COG8: variants seen among roughly 807,000 people sequenced by gnomAD.
COG8 encodes component of oligomeric golgi complex 8, also known as conserved oligomeric Golgi complex subunit 8.
A neutral mutation model predicts 46.5 loss-of-function variants in COG8; 45 were observed. The ratio of observed to expected loss-of-function variants is 0.97; its 90% CI spans 0.76 to 1.24. The LOEUF is 1.24. Ranked by LOEUF, COG8 falls within the 50% of genes most tolerant of loss-of-function variation. COG8 has a pLI of 0.00. For synonymous variants in COG8, 407 were observed against 347.8 expected (o/e 1.17, Z -1.90); for missense variants, 793 against 820.8 (o/e 0.97, Z 0.41).
intron 1 of COG8, chr16:69,338,945 G>C: frequency 1.7e-6 from 1 of 601,730 alleles, no homozygotes; most frequent in Non-Finnish European, 2.8e-6. Flanking sequence ...AGCGAGCCGA[G>C]ATCTCGCCAC....
At chr16:69,331,496 A>AAACG (rs1191981119) in intron 4 of COG8, among the ~76,000 whole-genome samples, 65 of 149,868 alleles carry the variant, frequency 4.3e-4, no homozygotes, top group African/African-American at 1.5e-3. Flanking sequence ...AAGGGAAAAA[A>AAACG]AACGAGCCAT....
chr16:69,331,503 C>A (rs1454739709), intron 4 of COG8, among the ~76,000 whole-genome samples: 8 of 144,764 alleles, frequency 5.5e-5, no homozygotes, highest in African/African-American at 2.1e-4. Flanking sequence ...AAAAAACGAG[C>A]CATTACTATT....
chr16:69,328,803 G>T lies in COG8; in HGVS notation c.*403C>A. Reference sequence around the variant, plus strand: ...TTAGGAAATGTCCACTCCTTTGGGGGTGATTTTTCTCCTCAAGTTGTAGCC... The same window carrying T: ...TTAGGAAATGTCCACTCCTTTGGGGTTGATTTTTCTCCTCAAGTTGTAGCC... On this transcript the variant is annotated 3_prime_UTR_variant, in exon 6 of 6. Transcript: ENST00000306875. 2 of 576,686 alleles carry T rather than the reference G, an allele frequency of 3.5e-6. No individual in the cohort carries two copies. Among genetic ancestry groups the T allele is most frequent in the Non-Finnish European group, 5.9e-6 (2 of 339,968 alleles). 35.7% of individuals were successfully genotyped at this position (576,686 alleles called of 1,614,324 possible).
At position 69,328,750 on chromosome 16, in the gene COG8, T is replaced by C; in HGVS notation, c.*456A>G. On this transcript the variant is annotated 3_prime_UTR_variant, in exon 6 of 6. Transcript: ENST00000306875. ...TCGTGTCTACTGCAGACGAATGCAA[T>C]TACCCCACCTTCCTCCATACAGAAT... 6 of 432,266 alleles carry C rather than the reference T, an allele frequency of 1.4e-5. No individual in the cohort carries two copies. The South Asian group carries it at 1.7e-4, about 12-fold the overall frequency. 26.8% of individuals were successfully genotyped at this position (432,266 alleles called of 1,614,324 possible).
At chr16:69,330,230 G>C in intron 5 of COG8, 3 of 1,450,490 alleles carry the variant, frequency 2.1e-6, no homozygotes, top group Non-Finnish European at 2.7e-6. Context: ...CCCCAGCTGC[G>C]GCGCGCTTAG....
intron 4 of COG8, 90 bp from the exon 5 acceptor site, chr16:69,331,185 C>G: frequency 7.0e-7 from 1 of 1,434,866 alleles, no homozygotes; most frequent in South Asian, 1.2e-5. Flanking sequence ...CGGTGGCTCA[C>G]GCCTGTAATC....
chr16:69,338,655 G>C (rs958389967), intron 1 of COG8: 7 of 155,036 alleles, frequency 4.5e-5, no homozygotes, highest in African/African-American at 1.2e-4. Context: ...CTGTGTCCTT[G>C]GACGTCACTA....
chr16:69,339,219 C>G lies in COG8; in HGVS notation c.334G>C (p.Gly112Arg). Residue 112 changes from glycine to arginine, a missense_variant, in exon 1 of 6, where the codon GGC becomes CGC. Physicochemically the swap from Gly to Arg is moderately radical, Grantham distance 125. Coordinates refer to ENST00000306875, the MANE Select transcript of COG8 (RefSeq NM_032382.5). ...RLFGDVEASLGRLLDRLPSFQ... is the reference protein window; with the variant it reads ...RLFGDVEASLRRLLDRLPSFQ... ...CTGGGCAAACGGTCGAGCAGGCGGC[C>G]GAGCGACGCCTCCACGTCGCCAAAC... 1 of 1,612,838 alleles carries G rather than the reference C, an allele frequency of 6.2e-7. No homozygotes were observed. Among genetic ancestry groups the G allele is most frequent in the Non-Finnish European group, 8.5e-7 (1 of 1,179,888 alleles).
At chr16:69,336,388 G>A in intron 2 of COG8, 117 bp downstream of exon 2, 1 of 894,848 alleles carries the variant, frequency 1.1e-6, no homozygotes, top group East Asian at 2.5e-5. Context: ...AGGCATACCT[G>A]GCTGGCAGAA....
At chr16:69,329,948 G>A in intron 5 of COG8, 7 of 1,486,442 alleles carry the variant, frequency 4.7e-6, no homozygotes, top group Non-Finnish European at 6.2e-6. Context: ...GAGTCGGGCA[G>A]AAGAGACGCG....
chr16:69,339,036 T>C lies in COG8; in HGVS notation c.377+140A>G, dbSNP rs984384246. The C allele has an allele frequency of 5.2e-6, 6 of 1,155,188 alleles. No homozygotes were observed. The African/African-American group carries it at 6.2e-5, about 12-fold the overall frequency. 71.6% of individuals were successfully genotyped at this position (1,155,188 alleles called of 1,614,324 possible). On this transcript the variant is annotated intron_variant, in intron 1 of 5. Coordinates refer to ENST00000306875, the MANE Select transcript of COG8 (RefSeq NM_032382.5). ...ATAACAGTACCTATCTCGAAGGCTG[T>C]TGTGAGGTTTAAATGGATTAATAAA...
chr16:69,329,269 C>G (rs926087697), intron 5 of COG8, 90 bp from the exon 6 acceptor site: 1 of 1,367,414 alleles, frequency 7.3e-7, no homozygotes, highest in African/African-American at 1.5e-5. Flanking sequence ...CCTGGCTGTT[C>G]CCATTGACAA....
chr16:69,330,106 G>T, intron 5 of COG8: 1 of 1,583,692 alleles, frequency 6.3e-7, no homozygotes, highest in Non-Finnish European at 8.6e-7. Context: ...GCAGGCTGGG[G>T]TTCACGAACA....
chr16:69,330,963 G>A lies in COG8; in HGVS notation c.1715C>T (p.Pro572Leu). 1.3e-6 allele frequency: 2 copies of A among 1,585,590 alleles called. No individual in the cohort carries two copies. The highest frequency in any genetic ancestry group is 1.7e-6 in the Non-Finnish European group (2 of 1,166,572). ...CTCTGGTGCTGGAGCTGTGAGCTCGGGCCCCAGCGCCTGGTCATCCAGGGT... is the reference window on the plus strand; with the variant it reads ...CTCTGGTGCTGGAGCTGTGAGCTCGAGCCCCAGCGCCTGGTCATCCAGGGT... Reference protein sequence around the residue: ...LFTLDDQALGPELTAPAPEPP... With the variant: ...LFTLDDQALGLELTAPAPEPP... Residue 572 changes from proline to leucine, a missense_variant, in exon 5 of 6, where the codon CCC becomes CTC. By Grantham distance (98) the Pro-to-Leu change is moderately conservative. Coordinates refer to ENST00000306875, the MANE Select transcript of COG8 (RefSeq NM_032382.5).
chr16:69,332,725 G>A lies in COG8; in HGVS notation c.1571C>T (p.Ala524Val). The change falls in exon 4 of 6, where the codon GCA (alanine) becomes GTA (valine). Residue 524 changes from alanine (A) to valine (V), a missense_variant. Coordinates refer to ENST00000306875, the MANE Select transcript of COG8 (RefSeq NM_032382.5). ...LQVLFPPAQI[A>V]QTLGIPPTQL... ...TTTCATTCTCTTACCTAAAGTCTGT[G>A]CTATCTGAGCTGGTGGAAAAAGGAC... is the stretch of plus-strand genomic sequence containing the variant. 1 of 1,614,014 alleles carries A rather than the reference G, an allele frequency of 6.2e-7. No individual in the cohort carries two copies. The highest frequency in any genetic ancestry group is 8.5e-7 in the Non-Finnish European group (1 of 1,179,862).
chr16:69,335,133 G>C lies in COG8; in HGVS notation c.801C>G (p.Pro267=). 2 of 1,614,230 alleles carry C rather than the reference G, an allele frequency of 1.2e-6. No individual in the cohort carries two copies. The highest frequency in any genetic ancestry group is 1.7e-6 in the Non-Finnish European group (2 of 1,180,054). The stretch of plus-strand genomic sequence containing the variant: ...CGATGGTTTTTGTAATATGGAAATA[G>C]GGATCATCATTAGGAATGGCAGTCA... The part of the protein sequence containing the change: ...SILTAIPNDD[P]YFHITKTIEA... The change falls in exon 3 of 6, where the codon CCC becomes CCG. Residue 267 remains proline, a synonymous_variant. Coordinates refer to ENST00000306875, the MANE Select transcript of COG8 (RefSeq NM_032382.5).
rs569632488 is a variant in COG8 at position 69,335,457 on chromosome 16, GT to G, written c.586-110del. On this transcript the variant is annotated intron_variant, in intron 2 of 5. Coordinates refer to ENST00000306875, the MANE Select transcript of COG8 (RefSeq NM_032382.5). ...AACATTCCCATGGCTTTCCTGAAAT[GT>G]GAAGTAATTTCCTAAAGCTGATGCC... is the stretch of plus-strand genomic sequence containing the variant. 3,211 of 932,332 alleles carry G rather than the reference GT, an allele frequency of 3.4e-3. 5 individuals are homozygous for G. The highest frequency in any genetic ancestry group is 5.2e-3 in the Admixed American group (259 of 50,184). The allele number at this position is 932,332 out of a possible 1,614,324, so 57.8% of individuals were successfully genotyped here.
rs369001100 is a variant in COG8 at position 69,336,680 on chromosome 16, G to A, written c.410C>T (p.Ser137Phe). 1.2e-6 allele frequency: 2 copies of A among 1,613,976 alleles called. No homozygotes were observed. The highest frequency in any genetic ancestry group is 1.3e-5 in the African/African-American group (1 of 74,908). The change falls in exon 2 of 6, where the codon TCC becomes TTC. Residue 137 changes from serine (S) to phenylalanine (F), a missense_variant. Coordinates refer to ENST00000306875, the MANE Select transcript of COG8 (RefSeq NM_032382.5). ...NFVKEAEEIS[S>F]NRRMNSLTLN... ...GGTCAGGCTATTCATCCGGCGGTTG[G>A]AGCTGATCTCCTCGGCTTCCTTCAC...
At position 69,334,611 on chromosome 16, in the gene COG8, A is replaced by G. The variant is rs2012080311; in HGVS notation, c.1323T>C (p.Asn441=). The G allele has an allele frequency of 1.9e-6, 3 of 1,614,128 alleles. No individual in the cohort carries two copies. Among genetic ancestry groups the G allele is most frequent in the Non-Finnish European group, 2.5e-6 (3 of 1,180,028 alleles). The change falls in exon 3 of 6, where the codon AAT becomes AAC. Residue 441 remains asparagine, a synonymous_variant. Transcript: ENST00000306875. ...GCAGATCATTGAAGGCAACCAGAAT[A>G]TTGTTGAGAAAGCAGGCGAGGGGTG... The part of the protein sequence containing the change: ...DFPPLACFLN[N]ILVAFNDLRL...
Sources: gnomAD v4.1 joint callset for allele counts (sites outside exome capture counted in the v4.1 genomes callset) on GRCh38, gnomAD v4.1.1 for gene constraint, MANE v1.5 for transcripts, NCBI Gene and HGNC (gene_info 2026-07-23, HGNC 2026-07-21) for gene names.